The following UCK2 variants were observed in gnomAD, a reference collection of about 807,000 sequenced individuals.
The protein encoded by UCK2 is cytidine monophosphokinase 2.
A neutral mutation model predicts 30.8 loss-of-function variants in UCK2; 6 were observed. The ratio of observed to expected loss-of-function variants is 0.19; its 90% confidence interval spans 0.11 to 0.38. The LOEUF (loss-of-function observed/expected upper bound fraction) is 0.38, where lower values mean the gene tolerates loss of function less well. UCK2 is among the 10% of genes least tolerant of loss of function. UCK2 has a pLI of 1.00. For synonymous variants in UCK2, 125 were observed against 133.6 expected, an observed-to-expected ratio of 0.94 and a Z score of 0.45; for missense variants, 210 against 339.8, an observed-to-expected ratio of 0.62 and a Z score of 3.00.
At position 165,908,398 on chromosome 1, in the gene UCK2, A is replaced by G. The variant is rs1037128860; in HGVS notation, c.*575A>G. On this transcript the variant is annotated 3_prime_UTR_variant, in exon 7 of 7. Transcript: ENST00000367879. ...GGAGCTGGAGCTTAGTGATATGTCAATGAGAGATACTCTTGTCTTTTTTTT... is the reference window on the plus strand; with the variant it reads ...GGAGCTGGAGCTTAGTGATATGTCAGTGAGAGATACTCTTGTCTTTTTTTT... The G allele has an allele frequency of 2.7e-5, 4 of 150,900 alleles. No homozygotes were observed. The highest frequency in any genetic ancestry group is 1.9e-4 in the East Asian group (1 of 5,162). The allele number at this position is 150,900 out of a possible 1,614,324, so 9.3% of individuals were successfully genotyped here. A position where few individuals can be genotyped will look rare whatever the true frequency, so the allele number is the denominator to read the frequency against.
intron 6 of UCK2, among the ~76,000 whole-genome samples, chr1:165,906,615 A>G (rs1248841898): frequency 1.3e-5 from 2 of 152,198 alleles, no homozygotes; most frequent in African/African-American, 2.4e-5. Context: ...CGACCCTTCC[A>G]TCTCAGCCTC....
At chr1:165,860,108 C>T (rs564136162) in intron 1 of UCK2, among the ~76,000 whole-genome samples, 1 of 152,368 alleles carries the variant, frequency 6.6e-6, no homozygotes, top group African/African-American at 2.4e-5. Flanking sequence ...TCTGTCCCCA[C>T]CTTAACCCTG....
At chr1:165,896,676 A>G (rs979794004) in intron 4 of UCK2, among the ~76,000 whole-genome samples, 1 of 152,242 alleles carries the variant, frequency 6.6e-6, no homozygotes, top group Admixed American at 6.5e-5. Context: ...ATCAAAATGA[A>G]GATGCTCTGA....
intron 4 of UCK2, 185 bp from the exon 5 acceptor site, chr1:165,902,997 C>T (rs776637198): frequency 4.6e-5 from 21 of 452,136 alleles, no homozygotes; most frequent in Non-Finnish European, 7.9e-5. Flanking sequence ...TGTAAGATGT[C>T]AGAATGTAAC....
intron 1 of UCK2, among the ~76,000 whole-genome samples, chr1:165,887,067 ACT>A (rs1378711013): frequency 6.6e-6 from 1 of 152,174 alleles, no homozygotes; most frequent in Non-Finnish European, 1.5e-5. Context: ...AAGAGCCAGG[ACT>A]CTATGAAACC....
At chr1:165,874,696 A>T (rs1387739856) in intron 1 of UCK2, among the ~76,000 whole-genome samples, 1 of 150,044 alleles carries the variant, frequency 6.7e-6, no homozygotes, top group East Asian at 1.9e-4. Flanking sequence ...AAACAGGAAG[A>T]TTTTTTTTTT....
intron 3 of UCK2, chr1:165,895,669 C>CTT (rs1277965866): frequency 4.1e-6 from 4 of 985,326 alleles, no homozygotes; most frequent in Non-Finnish European, 4.8e-6. Context: ...CAAAACTTTT[C>CTT]TTTATTTTCC....
At chr1:165,852,266 C>T (rs977319695) in intron 1 of UCK2, among the ~76,000 whole-genome samples, 13 of 152,202 alleles carry the variant, frequency 8.5e-5, no homozygotes, top group African/African-American at 2.4e-4. Flanking sequence ...AAGAAACTAT[C>T]ATCAGAATGA....
chr1:165,827,886 G>A lies in UCK2; in HGVS notation c.53G>A (p.Gly18Asp), dbSNP rs1653928980. 2 of 1,478,966 alleles carry A rather than the reference G, an allele frequency of 1.4e-6. No homozygotes were observed. The highest frequency in any genetic ancestry group is 1.4e-5 in the South Asian group (1 of 73,072). The allele number at this position is 1,478,966 out of a possible 1,614,324, so 91.6% of individuals were successfully genotyped here. Residue 18 changes from glycine (G) to aspartate (D), a missense_variant, in exon 1 of 7, where the codon GGC (glycine) becomes GAC (aspartate). Physicochemically the swap from Gly to Asp is moderately conservative, Grantham distance 94 (BLOSUM62 -1). Coordinates refer to ENST00000367879, the MANE Select transcript of UCK2 (RefSeq NM_012474.5). ...TLQNHQQPNG[G>D]EPFLIGVSGG... is the part of the protein sequence containing the mutation. ...CAGAACCACCAGCAGCCCAACGGCG[G>A]CGAGCCCTTCCTTATAGGCGTCAGC...
rs369163617 is a variant in UCK2, at chr1:165,908,119, G to T, written c.*296G>T. The stretch of plus-strand genomic sequence containing the variant: ...TATATATAAAAAAGGATCTATTTTT[G>T]TGTAAATGTACAAATACTGTAAAGC... On this transcript the variant is annotated 3_prime_UTR_variant, in exon 7 of 7. Coordinates refer to ENST00000367879, the MANE Select transcript of UCK2 (RefSeq NM_012474.5). The T allele has an allele frequency of 8.5e-4, 198 of 232,558 alleles. 2 individuals carry two copies. The South Asian group carries it at 0.011, about 12-fold the overall frequency. The allele number at this position is 232,558 out of a possible 1,614,324, so 14.4% of individuals were successfully genotyped here. A position where few individuals can be genotyped will look rare whatever the true frequency, so the allele number is the denominator to read the frequency against.
intron 3 of UCK2, among the ~76,000 whole-genome samples, chr1:165,895,040 C>G (rs1328737452): frequency 6.6e-6 from 1 of 152,196 alleles, no homozygotes; most frequent in Non-Finnish European, 1.5e-5. Flanking sequence ...TGCAGCAAGG[C>G]AAAGCTGAGC....
chr1:165,875,188 T>A (rs1463358141), intron 1 of UCK2, among the ~76,000 whole-genome samples: 2 of 152,206 alleles, frequency 1.3e-5, no homozygotes, highest in Non-Finnish European at 2.9e-5. Flanking sequence ...TTAACACTTA[T>A]GGCCCATTTG....
chr1:165,854,996 A>G (rs1654694619), intron 1 of UCK2, among the ~76,000 whole-genome samples: 1 of 152,224 alleles, frequency 6.6e-6, no homozygotes, highest in African/African-American at 2.4e-5. Flanking sequence ...CTTTGTACAC[A>G]TGACACTGAA....
intron 1 of UCK2, 58 bp from the exon 2 acceptor site, chr1:165,890,146 C>G: frequency 1.3e-6 from 2 of 1,599,238 alleles, no homozygotes; most frequent in Non-Finnish European, 1.7e-6. Flanking sequence ...CTCGGGACTT[C>G]CTCTGTACCA....
intron 1 of UCK2, among the ~76,000 whole-genome samples, chr1:165,867,229 G>A (rs1340536382): frequency 6.6e-6 from 1 of 152,226 alleles, no homozygotes; most frequent in Non-Finnish European, 1.5e-5. Flanking sequence ...CCTTCAGCAA[G>A]TTGTAATCTT....
At position 165,851,728 on chromosome 1, in the gene UCK2, C is replaced by T. The variant is rs191239857; in HGVS notation, c.99+23796C>T. ...TGGTTTGCTGCACCTATTGACTCGT[C>T]CTCTAAGTTCCCTCCCCTCATCCCT... On this transcript the variant is annotated intron_variant, in intron 1 of 6. Transcript: ENST00000367879. 1.9e-3 allele frequency among the ~76,000 whole-genome samples: 296 copies of T among 152,130 alleles called. 4 individuals are homozygous for T. The highest frequency in any genetic ancestry group is 0.018 in the Admixed American group (269 of 15,278).
At chr1:165,880,772 G>C (rs748670311) in intron 1 of UCK2, among the ~76,000 whole-genome samples, 1 of 152,108 alleles carries the variant, frequency 6.6e-6, no homozygotes, top group Non-Finnish European at 1.5e-5. Flanking sequence ...CTCAAGCATA[G>C]CCCTGTTTTG....
intron 1 of UCK2, among the ~76,000 whole-genome samples, chr1:165,856,920 T>A (rs558480356): frequency 2.4e-5 from 3 of 126,888 alleles, no homozygotes; most frequent in South Asian, 4.9e-4. Flanking sequence ...TTTTTTTTTT[T>A]ACTTTTGCGA....
At chr1:165,845,242 C>G (rs192089853) in intron 1 of UCK2, among the ~76,000 whole-genome samples, 1 of 152,118 alleles carries the variant, frequency 6.6e-6, no homozygotes, top group Non-Finnish European at 1.5e-5. Context: ...GGGGAGAAAT[C>G]GCCATACGTT....
Sources: allele counts gnomAD v4.1 joint callset (sites outside exome capture counted in the v4.1 genomes callset), GRCh38; gene constraint gnomAD v4.1.1; transcripts MANE v1.5; gene names NCBI Gene and HGNC (gene_info 2026-07-23, HGNC 2026-07-21).